Variants in SUGCT observed in about 807,000 individuals in gnomAD.
The protein encoded by SUGCT is succinyl-CoA:glutarate CoA-transferase.
Under a neutral mutation model 55.0 loss-of-function variants are expected in SUGCT, and 41 were observed. That is an observed-to-expected ratio of 0.74 (90% confidence interval 0.58 to 0.97). The LOEUF (loss-of-function observed/expected upper bound fraction) is 0.97, where lower values mean the gene tolerates loss of function less well. SUGCT is among the 50% of genes least tolerant of loss of function. The pLI is 0.00. For synonymous variants in SUGCT, 187 were observed against 200.4 expected (o/e 0.93, Z 0.56); for missense variants, 568 against 547.8 (o/e 1.04, Z -0.37).
At chr7:40,481,244 G>A (rs369136713) in intron 11 of SUGCT, among the ~76,000 whole-genome samples, 4 of 152,012 alleles carry the variant, frequency 2.6e-5, no homozygotes, top group African/African-American at 9.7e-5. Context: ...AGGCTGACCC[G>A]TGAGGATCAC....
intron 9 of SUGCT, among the ~76,000 whole-genome samples, chr7:40,388,612 C>T (rs1012136216): frequency 2.0e-5 from 3 of 152,054 alleles, no homozygotes; most frequent in Non-Finnish European, 2.9e-5. Flanking sequence ...GATGGGGTTT[C>T]ACCATGTTGC....
At chr7:40,644,701 A>G (rs961435371) in intron 12 of SUGCT, among the ~76,000 whole-genome samples, 5 of 152,092 alleles carry the variant, frequency 3.3e-5, no homozygotes, top group African/African-American at 7.2e-5. Flanking sequence ...GAGCCATGCT[A>G]TTAGGGAGTT....
chr7:40,465,585 A>G (rs1307406919), intron 11 of SUGCT, among the ~76,000 whole-genome samples: 1 of 152,070 alleles, frequency 6.6e-6, no homozygotes, highest in Non-Finnish European at 1.5e-5. Context: ...ACTCCAGCCT[A>G]GGTGACAGAG....
intron 12 of SUGCT, among the ~76,000 whole-genome samples, chr7:40,746,202 G>C (rs559135377): frequency 6.6e-6 from 1 of 152,220 alleles, no homozygotes; most frequent in South Asian, 2.1e-4. Flanking sequence ...CAGACTTCCT[G>C]GGTTCTGAAA....
intron 9 of SUGCT, among the ~76,000 whole-genome samples, chr7:40,360,461 A>G (rs1201689709): frequency 1.3e-5 from 2 of 152,240 alleles, no homozygotes; most frequent in Non-Finnish European, 2.9e-5. Flanking sequence ...CTGAGCACCA[A>G]CAGTGTGCCA....
chr7:40,767,190 C>G (rs1055828817), intron 13 of SUGCT, among the ~76,000 whole-genome samples: 1 of 151,948 alleles, frequency 6.6e-6, no homozygotes, highest in Non-Finnish European at 1.5e-5. Context: ...AGGAATTGAC[C>G]CCCTGCATTA....
At chr7:40,812,550 T>C (rs1421743158) in intron 13 of SUGCT, among the ~76,000 whole-genome samples, 1 of 152,188 alleles carries the variant, frequency 6.6e-6, no homozygotes, top group Non-Finnish European at 1.5e-5. Context: ...CTTTTGTATT[T>C]CTATGAGATC....
chr7:41,018,686 C>T, the SUGCT span, among the ~76,000 whole-genome samples: 3 of 152,150 alleles, frequency 2.0e-5, no homozygotes, highest in Non-Finnish European at 1.5e-5. Context: ...CTATTCTCTC[C>T]CTACCTAAAA....
At chr7:40,587,372 G>A (rs922451298) in intron 12 of SUGCT, among the ~76,000 whole-genome samples, 1 of 152,160 alleles carries the variant, frequency 6.6e-6, no homozygotes, top group African/African-American at 2.4e-5. Context: ...AATATGTTAA[G>A]TTATTGTAAC....
chr7:41,027,885 G>A, the SUGCT span, among the ~76,000 whole-genome samples: 4 of 152,194 alleles, frequency 2.6e-5, no homozygotes, highest in Non-Finnish European at 5.9e-5. Flanking sequence ...GGGGCTCCAA[G>A]CATCCGAAAC....
chr7:40,555,603 T>G (rs1795518125), intron 12 of SUGCT, among the ~76,000 whole-genome samples: 1 of 152,096 alleles, frequency 6.6e-6, no homozygotes, highest in Non-Finnish European at 1.5e-5. Flanking sequence ...GGTTTACACG[T>G]AGCCTGCTGG....
chr7:40,819,424 T>C (rs1346222687), intron 13 of SUGCT, among the ~76,000 whole-genome samples: 1 of 152,170 alleles, frequency 6.6e-6, no homozygotes, highest in African/African-American at 2.4e-5. Context: ...CACCTGTTGT[T>C]TCCTGATTTT....
chr7:40,500,568 C>A (rs1234865335), intron 12 of SUGCT, among the ~76,000 whole-genome samples: 1 of 152,136 alleles, frequency 6.6e-6, no homozygotes, highest in East Asian at 1.9e-4. Flanking sequence ...GCCATTACAA[C>A]CCCTTTAGCA....
intron 8 of SUGCT, among the ~76,000 whole-genome samples, chr7:40,287,933 A>T (rs537481392): frequency 1.1e-4 from 17 of 152,254 alleles, no homozygotes; most frequent in African/African-American, 3.4e-4. Flanking sequence ...GTTTTGTGTC[A>T]CTTATCCCAT....
At chr7:40,315,251 G>T (rs1337578205) in intron 8 of SUGCT, among the ~76,000 whole-genome samples, 1 of 152,176 alleles carries the variant, frequency 6.6e-6, no homozygotes, top group Non-Finnish European at 1.5e-5. Flanking sequence ...AAACCATCTA[G>T]GTTTCAACCA....
the SUGCT span, among the ~76,000 whole-genome samples, chr7:41,037,124 G>T: frequency 1.3e-5 from 2 of 152,208 alleles, no homozygotes; most frequent in Non-Finnish European, 2.9e-5. Context: ...GATGAAATAT[G>T]ATTACGTGTG....
At chr7:40,351,056 G>A (rs1460551159) in intron 9 of SUGCT, among the ~76,000 whole-genome samples, 10 of 151,886 alleles carry the variant, frequency 6.6e-5, no homozygotes. Context: ...ATTTGGGTTG[G>A]TTCTTAATGA....
the SUGCT span, chr7:40,966,307 C>G: frequency 6.6e-6 from 1 of 152,160 alleles, no homozygotes; most frequent in African/African-American, 2.4e-5. Flanking sequence ...GAGAAGGATT[C>G]TGCATTGATG....
chr7:40,481,174 C>G (rs1308802369), intron 11 of SUGCT, among the ~76,000 whole-genome samples: 1 of 151,858 alleles, frequency 6.6e-6, no homozygotes, highest in Non-Finnish European at 1.5e-5. Flanking sequence ...TCTGTGTTTA[C>G]AAAAAATATA....
Sources: allele counts gnomAD v4.1 joint callset (sites outside exome capture counted in the v4.1 genomes callset), GRCh38; gene constraint gnomAD v4.1.1; transcripts MANE v1.5; gene names NCBI Gene and HGNC (gene_info 2026-07-23, HGNC 2026-07-21).